ATP5PO: variants seen among roughly 807,000 people sequenced by gnomAD.
The protein encoded by ATP5PO is ATP synthase peripheral stalk subunit OSCP, also known as ATP synthase peripheral stalk subunit OSCP, mitochondrial.
Under a neutral mutation model 26.2 loss-of-function variants are expected in ATP5PO, and 14 were observed. The observed-to-expected ratio is 0.53, with a 90% CI of 0.35 to 0.83. The LOEUF (loss-of-function observed/expected upper bound fraction) is 0.83. Among genes scored for constraint, ATP5PO ranks in the 40% least tolerant of loss-of-function variants. The pLI is 0.01. For missense variants in ATP5PO, 241 were observed against 258.5 expected (o/e 0.93, Z 0.46); for synonymous variants, 106 against 95.1 (o/e 1.12, Z -0.67).
chr21:33,910,701 C>T (rs1218258193), intron 3 of ATP5PO, among the ~76,000 whole-genome samples: 1 of 152,192 alleles, frequency 6.6e-6, no homozygotes, highest in African/African-American at 2.4e-5. Context: ...CATGCCCTTC[C>T]CCCAAATGTC....
intron 5 of ATP5PO, chr21:33,906,512 G>A (rs527586390): frequency 9.2e-5 from 32 of 347,126 alleles, no homozygotes; most frequent in African/African-American, 6.5e-4. Flanking sequence ...TGTAAAATGA[G>A]GTTAATTATA....
At chr21:33,906,752 C>T (rs1987178322) in intron 5 of ATP5PO, 1 of 456,248 alleles carries the variant, frequency 2.2e-6, no homozygotes, top group Non-Finnish European at 4.4e-6. Flanking sequence ...CTTTAGGAGG[C>T]CAAGGCAGGT....
chr21:33,911,304 C>A (rs755491775), intron 3 of ATP5PO, among the ~76,000 whole-genome samples: 1 of 152,152 alleles, frequency 6.6e-6, no homozygotes, highest in Non-Finnish European at 1.5e-5. Flanking sequence ...AAACATCTTG[C>A]AGCAGCCTCA....
intron 4 of ATP5PO, chr21:33,908,759 G>C (rs1285799326): frequency 1.9e-5 from 4 of 214,262 alleles, no homozygotes; most frequent in African/African-American, 4.5e-5. Flanking sequence ...TGTATCCAAG[G>C]ATCAAGGTAT....
intron 5 of ATP5PO, among the ~76,000 whole-genome samples, chr21:33,904,324 C>T (rs965862100): frequency 2.6e-5 from 4 of 152,338 alleles, no homozygotes; most frequent in Middle Eastern, 6.8e-3. Context: ...TTGGAACTAA[C>T]AAGGAAAGGC....
chr21:33,915,385 A>C, intron 1 of ATP5PO: 1 of 373,190 alleles, frequency 2.7e-6, no homozygotes, highest in Non-Finnish European at 4.9e-6. Flanking sequence ...AGGTTTTACC[A>C]CAATGGCAAA....
intron 4 of ATP5PO, among the ~76,000 whole-genome samples, chr21:33,907,953 G>GGGTGAAACCCTGGGTAACAT (rs1170792222): frequency 6.6e-6 from 1 of 152,036 alleles, no homozygotes; most frequent in Non-Finnish European, 1.5e-5. Flanking sequence ...GGAGTAACAT[G>GGGTGAAACCCTGGGTAACAT]GGTGAAACCC....
chr21:33,915,404 A>C (rs1456841569), intron 1 of ATP5PO: 1 of 417,266 alleles, frequency 2.4e-6, no homozygotes, highest in African/African-American at 2.1e-5. Flanking sequence ...AAGGAAGCTG[A>C]TTTGGGGGCT....
chr21:33,915,673 C>T (rs1402680426), intron 1 of ATP5PO, 55 bp downstream of exon 1: 6 of 1,545,856 alleles, frequency 3.9e-6, no homozygotes, highest in Non-Finnish European at 4.4e-6. Flanking sequence ...AGGTTTGGTA[C>T]CGGTCATCCC....
chr21:33,905,711 G>A (rs1327537634), intron 5 of ATP5PO, among the ~76,000 whole-genome samples: 33 of 152,050 alleles, frequency 2.2e-4, no homozygotes, highest in Non-Finnish European at 4.4e-5. Flanking sequence ...TCAGGAGTTC[G>A]AGACCAGCCT....
rs575040433 is a variant in ATP5PO, at chr21:33,904,135, ACCTGGG to A, written c.442-120_442-115del. 1.9e-3 allele frequency: 1,560 copies of A among 821,326 alleles called. 44 individuals carry two copies. In the South Asian group the frequency reaches 0.028, roughly 15 times the overall value. The allele number at this position is 821,326 out of a possible 1,614,324, so 50.9% of individuals were successfully genotyped here. On this transcript the variant is annotated intron_variant, in intron 5 of 6. Coordinates refer to ENST00000290299, the MANE Select transcript of ATP5PO (RefSeq NM_001697.3). ...GGCCTTGTGAGCTCCTCCCTTTGCT[ACCTGGG>A]CCCATCATGGAGCTGCTCTGCAGCA...
intron 5 of ATP5PO, among the ~76,000 whole-genome samples, chr21:33,905,397 G>A (rs1207142962): frequency 6.6e-6 from 1 of 152,108 alleles, no homozygotes; most frequent in African/African-American, 2.4e-5. Flanking sequence ...GAGGCTCAGG[G>A]TGGGTAAGAA....
chr21:33,914,589 C>A, intron 1 of ATP5PO, 89 bp from the exon 2 acceptor site: 1 of 1,215,858 alleles, frequency 8.2e-7, no homozygotes. Flanking sequence ...TTTTAAATAA[C>A]CTTAAAATCA....
intron 5 of ATP5PO, chr21:33,906,664 C>A: frequency 2.2e-6 from 1 of 456,298 alleles, no homozygotes; most frequent in Non-Finnish European, 4.4e-6. Context: ...CTCCTTCCCA[C>A]TCACCACCAC....
chr21:33,912,373 T>G lies in ATP5PO; in HGVS notation c.114A>C (p.Glu38Asp). 6.2e-7 allele frequency: 1 copy of G among 1,613,010 alleles called. No individual in the cohort carries two copies. Among genetic ancestry groups the G allele is most frequent in the Non-Finnish European group, 8.5e-7 (1 of 1,179,388 alleles). Residue 38 changes from glutamate (E) to aspartate (D), a missense_variant, in exon 3 of 7, where the codon GAA (glutamate) becomes GAC (aspartate). Transcript: ENST00000290299. ...VRPPVQVYGIEGRYATALYSA... is the reference protein window; with the variant it reads ...VRPPVQVYGIDGRYATALYSA... Reference sequence around the variant, plus strand: ...AATAAAGAGCTGTGGCATAGCGACCTTCAATACCGTATACCTGAACAGGAG... The same window carrying G: ...AATAAAGAGCTGTGGCATAGCGACCGTCAATACCGTATACCTGAACAGGAG...
intron 5 of ATP5PO, among the ~76,000 whole-genome samples, chr21:33,905,396 G>C (rs1289691243): frequency 1.3e-5 from 2 of 152,018 alleles, no homozygotes; most frequent in African/African-American, 4.8e-5. Flanking sequence ...GGAGGCTCAG[G>C]GTGGGTAAGA....
intron 1 of ATP5PO, 72 bp from the exon 2 acceptor site, chr21:33,914,572 C>A: frequency 1.4e-6 from 2 of 1,427,448 alleles, no homozygotes; most frequent in Non-Finnish European, 9.7e-7. Context: ...TCAATAACAA[C>A]AAAAAATTTT....
At position 33,903,610 on chromosome 21, in the gene ATP5PO, A is replaced by G; in HGVS notation, c.558T>C (p.Ile186=). The change falls in exon 7 of 7, where the codon ATT becomes ATC. Residue 186 remains isoleucine (I), a synonymous_variant. Transcript: ENST00000290299. ...KTDPSILGGM[I]VRIGEKYVDM... ...CAACATATTTCTCGCCAATGCGCAC[A>G]ATCATTCCACCCAAGATTGACGGAT... 6.2e-7 allele frequency: 1 copy of G among 1,614,214 alleles called. No homozygotes were observed. Among genetic ancestry groups the G allele is most frequent in the Admixed American group, 1.7e-5 (1 of 60,034 alleles).
chr21:33,914,705 A>AT, intron 1 of ATP5PO: 1 of 521,646 alleles, frequency 1.9e-6, no homozygotes, highest in Non-Finnish European at 3.4e-6. Flanking sequence ...TGCTTGGGAA[A>AT]TCACCTTCCC....
Sources: gnomAD v4.1 joint callset for allele counts (sites outside exome capture counted in the v4.1 genomes callset) on GRCh38, gnomAD v4.1.1 for gene constraint, MANE v1.5 for transcripts, NCBI Gene and HGNC (gene_info 2026-07-23, HGNC 2026-07-21) for gene names.